The following PCCA variants were observed in gnomAD, a reference collection of about 807,000 sequenced individuals.
PCCA encodes the protein propionyl-CoA carboxylase subunit alpha.
A neutral mutation model predicts 101.3 loss-of-function variants in PCCA; 74 were observed. That is an observed-to-expected ratio of 0.73 (90% CI 0.61 to 0.89). The LOEUF (loss-of-function observed/expected upper bound fraction) is 0.89, where lower values mean the gene tolerates loss of function less well. PCCA is among the 40% of genes least tolerant of loss of function. PCCA has a pLI of 0.00. For synonymous variants in PCCA, 294 were observed against 313.6 expected, an observed-to-expected ratio of 0.94 and a Z score of 0.66; for missense variants, 891 against 907.0, an observed-to-expected ratio of 0.98 and a Z score of 0.23.
intron 10 of PCCA, among the ~76,000 whole-genome samples, chr13:100,267,424 A>G (rs1296569328): frequency 6.6e-6 from 1 of 152,118 alleles, no homozygotes; most frequent in Non-Finnish European, 1.5e-5. Context: ...TATATTAACT[A>G]TTTATTTTAC....
At chr13:100,422,147 T>TC (rs1567109988) in intron 19 of PCCA, among the ~76,000 whole-genome samples, 7 of 145,974 alleles carry the variant, frequency 4.8e-5, no homozygotes, top group African/African-American at 1.8e-4. Flanking sequence ...TTTTTTTTTT[T>TC]TTTTTGACAG....
Position 100,402,238 on chromosome 13 carries a change from AGTTTTTT to A in PCCA, c.1747-23373_1747-23367del, listed in dbSNP as rs540701035. On this transcript the variant is annotated intron_variant, in intron 19 of 23. Coordinates refer to ENST00000376285, the MANE Select transcript of PCCA (RefSeq NM_000282.4). Reference sequence around the variant, plus strand: ...TAGTCTTACAAAAGCTATGTTGAAGAGTTTTTTGTTTTTTGTTTTTTGTTTTTTTTTT... The same window carrying A: ...TAGTCTTACAAAAGCTATGTTGAAGAGTTTTTTGTTTTTTGTTTTTTTTTT... 1.4e-3 allele frequency among the ~76,000 whole-genome samples: 206 copies of A among 152,040 alleles called. 1 individual carries two copies. Among genetic ancestry groups the A allele is most frequent in the Non-Finnish European group, 1.9e-3 (127 of 67,986 alleles).
intron 21 of PCCA, among the ~76,000 whole-genome samples, chr13:100,492,433 G>A (rs901979213): frequency 1.3e-5 from 2 of 151,868 alleles, no homozygotes; most frequent in Admixed American, 1.3e-4. Flanking sequence ...CGAGCCCGGT[G>A]GACTGTCTTC....
intron 21 of PCCA, among the ~76,000 whole-genome samples, chr13:100,450,714 A>G (rs923801061): frequency 6.6e-6 from 1 of 152,186 alleles, no homozygotes; most frequent in African/African-American, 2.4e-5. Flanking sequence ...TGCTTTATCG[A>G]TTATAGAGAT....
chr13:100,282,377 C>T (rs2064196980), intron 12 of PCCA, among the ~76,000 whole-genome samples: 1 of 152,240 alleles, frequency 6.6e-6, no homozygotes, highest in South Asian at 2.1e-4. Flanking sequence ...CACCGCTGCA[C>T]TGTGGGAGCC....
intron 18 of PCCA, among the ~76,000 whole-genome samples, chr13:100,344,419 T>A (rs2071876814): frequency 6.6e-6 from 1 of 152,200 alleles, no homozygotes; most frequent in African/African-American, 2.4e-5. Flanking sequence ...CTTAGCAATA[T>A]GATATATTCC....
intron 12 of PCCA, among the ~76,000 whole-genome samples, chr13:100,285,677 A>G (rs1470312256): frequency 6.6e-6 from 1 of 152,058 alleles, no homozygotes; most frequent in Non-Finnish European, 1.5e-5. Flanking sequence ...TCAAATACGC[A>G]CGTGTGTGGC....
chr13:100,280,912 A>G (rs546447236), intron 12 of PCCA, among the ~76,000 whole-genome samples: 8 of 151,950 alleles, frequency 5.3e-5, no homozygotes, highest in Non-Finnish European at 1.2e-4. Flanking sequence ...CTTAGAAGCT[A>G]CCTCACTGCA....
intron 18 of PCCA, among the ~76,000 whole-genome samples, chr13:100,355,112 A>G (rs913596587): frequency 2.0e-5 from 3 of 152,190 alleles, no homozygotes; most frequent in African/African-American, 7.2e-5. Context: ...ATACATCATA[A>G]CCAAATGAGG....
chr13:100,352,756 C>T (rs1413580867), intron 18 of PCCA, among the ~76,000 whole-genome samples: 3 of 151,818 alleles, frequency 2.0e-5, no homozygotes, highest in Non-Finnish European at 2.9e-5. Flanking sequence ...GGCTAGAATA[C>T]AGTGGTGTGA....
At chr13:100,126,664 G>A (rs776020732) in intron 4 of PCCA, among the ~76,000 whole-genome samples, 1 of 152,090 alleles carries the variant, frequency 6.6e-6, no homozygotes, top group African/African-American at 2.4e-5. Context: ...AGAAATGTAT[G>A]TATTTTGGGG....
At chr13:100,526,375 C>T (rs914337516) in intron 22 of PCCA, among the ~76,000 whole-genome samples, 7 of 152,370 alleles carry the variant, frequency 4.6e-5, no homozygotes, top group East Asian at 1.9e-4. Flanking sequence ...TCCGTGCCAG[C>T]GCCAAAGCCT....
At chr13:100,235,277 T>G (rs1400848126) in intron 7 of PCCA, among the ~76,000 whole-genome samples, 1 of 128,832 alleles carries the variant, frequency 7.8e-6, no homozygotes, top group Non-Finnish European at 1.6e-5. Context: ...AATATGTACC[T>G]GAAAAAAAAA....
chr13:100,503,979 G>A (rs2085879878), intron 21 of PCCA, among the ~76,000 whole-genome samples: 1 of 152,174 alleles, frequency 6.6e-6, no homozygotes, highest in African/African-American at 2.4e-5. Flanking sequence ...TTTATATTTT[G>A]ATAGATTCAT....
At chr13:100,328,519 G>A (rs1172664611) in intron 16 of PCCA, among the ~76,000 whole-genome samples, 2 of 150,914 alleles carry the variant, frequency 1.3e-5, no homozygotes, top group Non-Finnish European at 2.9e-5. Flanking sequence ...ATGAAGTACA[G>A]TTTGTCAATA....
chr13:100,336,261 T>C (rs1330177348), intron 17 of PCCA, among the ~76,000 whole-genome samples: 2 of 152,066 alleles, frequency 1.3e-5, no homozygotes, highest in Non-Finnish European at 2.9e-5. Context: ...AAACTCTGTC[T>C]CAAGAAACAA....
chr13:100,224,075 T>C (rs1238333580), intron 7 of PCCA, among the ~76,000 whole-genome samples: 2 of 152,070 alleles, frequency 1.3e-5, no homozygotes, highest in African/African-American at 4.8e-5. Context: ...GGGTGGTCGA[T>C]GGGACTGGGC....
At chr13:100,328,981 C>T (rs1329805788) in intron 16 of PCCA, among the ~76,000 whole-genome samples, 1 of 148,792 alleles carries the variant, frequency 6.7e-6, no homozygotes, top group Non-Finnish European at 1.5e-5. Context: ...TGTGAGCCAC[C>T]GCGCCTGGAC....
chr13:100,116,924 A>C (rs771405953), intron 4 of PCCA, among the ~76,000 whole-genome samples: 1 of 152,202 alleles, frequency 6.6e-6, no homozygotes, highest in Non-Finnish European at 1.5e-5. Flanking sequence ...GAGCTGTGCA[A>C]AAACAGCCCT....
Sources: gnomAD v4.1 joint callset for allele counts (sites outside exome capture counted in the v4.1 genomes callset) on GRCh38, gnomAD v4.1.1 for gene constraint, MANE v1.5 for transcripts, NCBI Gene and HGNC (gene_info 2026-07-23, HGNC 2026-07-21) for gene names.